The following PPIL4 variants were observed in gnomAD, a reference collection of about 807,000 sequenced individuals.
The protein encoded by PPIL4 is peptidyl-prolyl cis-trans isomerase-like 4.
In PPIL4, 50 loss-of-function variants were observed where a neutral mutation model predicts 69.1. The ratio of observed to expected loss-of-function variants is 0.72; its 90% confidence interval spans 0.58 to 0.92. The LOEUF is 0.92. PPIL4 is among the 40% of genes least tolerant of loss of function. PPIL4 has a pLI of 0.00. For missense variants in PPIL4, 480 were observed against 587.9 expected, an observed-to-expected ratio of 0.82 and a Z score of 1.90; for synonymous variants, 193 against 191.6, an observed-to-expected ratio of 1.01 and a Z score of -0.06.
rs933117050 is a variant in PPIL4 at position 149,533,594 on chromosome 6, T to A, written c.562-20A>T. On this transcript the variant is annotated intron_variant, in intron 6 of 12. Coordinates refer to ENST00000253329, the MANE Select transcript of PPIL4 (RefSeq NM_139126.4). ...ACCACTCTGTTAAGACAGAAGTTACTCATGTATATATTTAAAGAATAAAAA... is the reference window on the plus strand; with the variant it reads ...ACCACTCTGTTAAGACAGAAGTTACACATGTATATATTTAAAGAATAAAAA... 3.7e-6 allele frequency: 5 copies of A among 1,348,712 alleles called. No homozygotes were observed. The highest frequency in any genetic ancestry group is 3.2e-6 in the Non-Finnish European group (3 of 951,844). The allele number at this position is 1,348,712 out of a possible 1,614,324, so 83.5% of individuals were successfully genotyped here.
intron 7 of PPIL4, among the ~76,000 whole-genome samples, chr6:149,532,671 G>A (rs1389905708): frequency 6.6e-6 from 1 of 152,092 alleles, no homozygotes; most frequent in African/African-American, 2.4e-5. Flanking sequence ...AAAATTAGCA[G>A]GGCATTGTGG....
intron 6 of PPIL4, 38 bp from the exon 7 acceptor site, chr6:149,533,612 A>C: frequency 8.4e-7 from 1 of 1,187,694 alleles, no homozygotes; most frequent in Admixed American, 2.2e-5. Flanking sequence ...ATATTTAAAG[A>C]ATAAAAAAAT....
At chr6:149,537,843 G>A (rs1019440335) in intron 4 of PPIL4, among the ~76,000 whole-genome samples, 23 of 152,304 alleles carry the variant, frequency 1.5e-4, no homozygotes, top group African/African-American at 5.3e-4. Flanking sequence ...CTGCCGCTCA[G>A]AACAAAGATC....
intron 12 of PPIL4, among the ~76,000 whole-genome samples, chr6:149,505,981 A>T (rs1776764773): frequency 6.6e-6 from 1 of 152,256 alleles, no homozygotes; most frequent in Non-Finnish European, 1.5e-5. Context: ...TGAAATCAGA[A>T]CATGTCTCTA....
intron 7 of PPIL4, among the ~76,000 whole-genome samples, chr6:149,529,413 T>C (rs1227432836): frequency 6.7e-6 from 1 of 150,340 alleles, no homozygotes; most frequent in African/African-American, 2.5e-5. Context: ...GCCATTATTG[T>C]GCCACTGTCC....
intron 3 of PPIL4, 74 bp from the exon 4 acceptor site, chr6:149,541,133 T>C: frequency 1.3e-6 from 1 of 750,484 alleles, no homozygotes; most frequent in Admixed American, 2.4e-5. Flanking sequence ...ACATACAGGG[T>C]TATCAATTAT....
In PPIL4 at chr6:149,533,579, T is replaced by C. The variant is rs1208810488; in HGVS notation, c.562-5A>G. ...ATCTGCTCCTATTCGACCACTCTGT[T>C]AAGACAGAAGTTACTCATGTATATA... On this transcript the variant is annotated splice_region_variant and splice_polypyrimidine_tract_variant and intron_variant, in intron 6 of 12. Transcript: ENST00000253329. 2.6e-6 allele frequency: 4 copies of C among 1,535,224 alleles called. No homozygotes were observed. The highest frequency in any genetic ancestry group is 3.6e-6 in the Non-Finnish European group (4 of 1,110,784).
intron 9 of PPIL4, among the ~76,000 whole-genome samples, chr6:149,521,829 G>A (rs1777034490): frequency 6.6e-6 from 1 of 152,162 alleles, no homozygotes. Context: ...CTGTGAGACT[G>A]TAATACCAAG....
intron 10 of PPIL4, among the ~76,000 whole-genome samples, chr6:149,518,201 G>A (rs966739432): frequency 6.6e-6 from 1 of 152,126 alleles, no homozygotes; most frequent in Non-Finnish European, 1.5e-5. Flanking sequence ...CAGGAAAATA[G>A]GACCTACTGC....
chr6:149,537,188 ACT>A (rs1258346141), intron 4 of PPIL4, among the ~76,000 whole-genome samples: 1 of 152,194 alleles, frequency 6.6e-6, no homozygotes, highest in East Asian at 1.9e-4. Flanking sequence ...AGCTAAGATC[ACT>A]GATGAAGATG....
intron 4 of PPIL4, among the ~76,000 whole-genome samples, chr6:149,536,855 G>C (rs1033059373): frequency 6.6e-6 from 1 of 152,194 alleles, no homozygotes; most frequent in Admixed American, 6.5e-5. Flanking sequence ...GCCAGGTGCA[G>C]TGGCTCACGC....
Position 149,514,494 on chromosome 6 carries a change from G to A in PPIL4, c.1080-2192C>T, listed in dbSNP as rs1219527347. 4.6e-5 allele frequency among the ~76,000 whole-genome samples: 7 copies of A among 151,978 alleles called. No homozygotes were observed. In the East Asian group the frequency reaches 5.8e-4, roughly 13 times the overall value. On this transcript the variant is annotated intron_variant, in intron 11 of 12. Coordinates refer to ENST00000253329, the MANE Select transcript of PPIL4 (RefSeq NM_139126.4). Reference sequence around the variant, plus strand: ...ACACCACCACACCCAGCTAATTTTCGTATTTTTAGTCGAGACAGGGTTTCG... The same window carrying A: ...ACACCACCACACCCAGCTAATTTTCATATTTTTAGTCGAGACAGGGTTTCG...
At chr6:149,524,998 C>G (rs989790928) in intron 9 of PPIL4, 145 bp downstream of exon 9, 1 of 500,420 alleles carries the variant, frequency 2.0e-6, no homozygotes, top group Non-Finnish European at 3.6e-6. Context: ...GAACTTATCC[C>G]CTATATAGAT....
chr6:149,538,213 G>A (rs928850024), intron 4 of PPIL4, among the ~76,000 whole-genome samples: 5 of 151,864 alleles, frequency 3.3e-5, no homozygotes, highest in Admixed American at 6.6e-5. Flanking sequence ...TTGCAGTGAG[G>A]TGAGACTGCA....
At chr6:149,511,948 T>C in intron 12 of PPIL4, among the ~76,000 whole-genome samples, 1 of 152,222 alleles carries the variant, frequency 6.6e-6, no homozygotes, top group East Asian at 1.9e-4. Flanking sequence ...ATACATTAAG[T>C]TATGTCAAAA....
At chr6:149,537,332 T>G (rs1048489705) in intron 4 of PPIL4, among the ~76,000 whole-genome samples, 2 of 152,204 alleles carry the variant, frequency 1.3e-5, no homozygotes, top group African/African-American at 4.8e-5. Context: ...CTGACTCTTC[T>G]GTTACATGCT....
intron 12 of PPIL4, among the ~76,000 whole-genome samples, chr6:149,509,918 C>T (rs1467729266): frequency 6.6e-6 from 1 of 152,104 alleles, no homozygotes; most frequent in African/African-American, 2.4e-5. Flanking sequence ...ACTACTACTA[C>T]TTTTTTCTTT....
At chr6:149,530,061 G>T (rs993866293) in intron 7 of PPIL4, among the ~76,000 whole-genome samples, 49 of 152,166 alleles carry the variant, frequency 3.2e-4, no homozygotes, top group African/African-American at 1.1e-3. Context: ...GAATGATCCT[G>T]TAAGGGTAGA....
rs1554215993 is a variant in PPIL4, at chr6:149,513,438, T to TACAC, written c.1080-1137_1080-1136insGTGT. Among the ~76,000 whole-genome samples, 8 of 103,444 alleles carry TACAC rather than the reference T, an allele frequency of 7.7e-5. No individual in the cohort carries two copies. The East Asian group carries it at 2.0e-3, about 25-fold the overall frequency. The allele number at this position is 103,444 out of a possible 152,430, so 67.9% of individuals were successfully genotyped here. A position where few individuals can be genotyped will look rare whatever the true frequency, so the allele number is the denominator to read the frequency against. On this transcript the variant is annotated intron_variant, in intron 11 of 12. Coordinates refer to ENST00000253329, the MANE Select transcript of PPIL4 (RefSeq NM_139126.4). ...ATATATATATATATATATATATATATACATATAAAAAATATGCATAATAGT... is the reference window on the plus strand; with the variant it reads ...ATATATATATATATATATATATATATACACACATATAAAAAATATGCATAATAGT...
Sources: allele counts gnomAD v4.1 joint callset (sites outside exome capture counted in the v4.1 genomes callset), GRCh38; gene constraint gnomAD v4.1.1; transcripts MANE v1.5; gene names NCBI Gene and HGNC (gene_info 2026-07-23, HGNC 2026-07-21).